The following VPS13B variants were observed in gnomAD, a reference collection of about 807,000 sequenced individuals.
VPS13B encodes the protein vacuolar protein sorting 13 homolog B, also known as intermembrane lipid transfer protein VPS13B.
In VPS13B, 285 loss-of-function variants were observed where a neutral mutation model predicts 426.4. That is an observed-to-expected ratio of 0.67 (90% confidence interval 0.61 to 0.74). VPS13B has a LOEUF of 0.74. Among genes scored for constraint, VPS13B ranks in the 30% least tolerant of loss-of-function variants. The pLI is 0.00. For synonymous variants in VPS13B, 1,676 were observed against 1,676.4 expected (o/e 1.00, Z 0.01); for missense variants, 4,537 against 4,782.6 (o/e 0.95, Z 1.51).
At chr8:99,440,984 A>G (rs1817651593) in intron 22 of VPS13B, among the ~76,000 whole-genome samples, 1 of 152,112 alleles carries the variant, frequency 6.6e-6, no homozygotes, top group Non-Finnish European at 1.5e-5. Flanking sequence ...GAATTATGTT[A>G]AATATTTTAA....
intron 34 of VPS13B, among the ~76,000 whole-genome samples, chr8:99,660,456 C>A (rs1830179050): frequency 6.6e-6 from 1 of 152,070 alleles, no homozygotes; most frequent in Non-Finnish European, 1.5e-5. Flanking sequence ...ATGGCAAGAA[C>A]ATCCCTATAA....
chr8:99,478,447 G>GTTTTTTTTTTGTTTT (rs1819824252), intron 24 of VPS13B, among the ~76,000 whole-genome samples: 3 of 85,776 alleles, frequency 3.5e-5, no homozygotes, highest in Admixed American at 2.9e-4. Flanking sequence ...TTTTTGTTTT[G>GTTTTTTTTTTGTTTT]TTTTTTTTTT....
intron 21 of VPS13B, among the ~76,000 whole-genome samples, chr8:99,418,524 C>T (rs367877731): frequency 0.014 from 1,635 of 117,142 alleles, 52 homozygotes; most frequent in African/African-American, 0.052. Flanking sequence ...TCCTTTCTTT[C>T]TTTCTCTTTC....
intron 17 of VPS13B, among the ~76,000 whole-genome samples, chr8:99,249,850 A>G (rs890909155): frequency 6.6e-6 from 1 of 152,074 alleles, no homozygotes. Flanking sequence ...CCGAGGCTGC[A>G]GTGAGCTATT....
chr8:99,532,688 T>C (rs545127910), intron 30 of VPS13B, among the ~76,000 whole-genome samples: 1 of 151,918 alleles, frequency 6.6e-6, no homozygotes, highest in Admixed American at 6.6e-5. Context: ...AAAATATGCT[T>C]TATTTTTAAC....
chr8:99,680,214 G>A (rs1831103739), intron 35 of VPS13B, among the ~76,000 whole-genome samples: 1 of 152,140 alleles, frequency 6.6e-6, no homozygotes, highest in African/African-American at 2.4e-5. Context: ...CATCATAAAT[G>A]TAAGTAATAT....
At chr8:99,832,681 C>T (rs776871956) in intron 52 of VPS13B, 29 bp downstream of exon 52, 1 of 1,610,054 alleles carries the variant, frequency 6.2e-7, no homozygotes, top group South Asian at 1.1e-5. Flanking sequence ...AATGTCTGTT[C>T]TTCTTTGCTT....
At chr8:99,028,534 A>G (rs1326119498) in intron 2 of VPS13B, among the ~76,000 whole-genome samples, 1 of 20,036 alleles carries the variant, frequency 5.0e-5, no homozygotes, top group African/African-American at 1.8e-4. Context: ...CCCCCCCCCC[A>G]CCTCCCTCCC....
In VPS13B at chr8:99,115,752, C is replaced by T. The variant is rs571013964; in HGVS notation, c.815C>T (p.Pro272Leu). ...CTTTCTATCACAGATCAACAACTGC[C>T]TATGTTTATTCGTATAATGCAACTT... The part of the protein sequence containing the change: ...LKLSITDQQL[P>L]MFIRIMQLGI... The change falls in exon 7 of 62, where the codon CCT becomes CTT. Residue 272 changes from proline to leucine, a missense_variant. This residue lies in a region of VPS13B where 4,311 missense variants were observed against 4,474.3 expected (regional missense o/e 0.96). Transcript: ENST00000357162. 1 of 1,613,218 alleles carries T rather than the reference C, an allele frequency of 6.2e-7. No individual in the cohort carries two copies. Among genetic ancestry groups the T allele is most frequent in the South Asian group, 1.1e-5 (1 of 90,890 alleles).
intron 30 of VPS13B, among the ~76,000 whole-genome samples, chr8:99,544,723 G>A (rs888521863): frequency 2.7e-5 from 4 of 148,506 alleles, no homozygotes; most frequent in Non-Finnish European, 6.0e-5. Flanking sequence ...ACCTTTACAA[G>A]CATCCTTATC....
chr8:99,056,434 G>T (rs922730029), intron 3 of VPS13B, among the ~76,000 whole-genome samples: 4 of 152,056 alleles, frequency 2.6e-5, no homozygotes, highest in Non-Finnish European at 5.9e-5. Context: ...TGGATTCTGT[G>T]GGATTTTCTA....
chr8:99,438,533 G>A (rs1817519117), intron 22 of VPS13B, among the ~76,000 whole-genome samples: 1 of 152,038 alleles, frequency 6.6e-6, no homozygotes, highest in Non-Finnish European at 1.5e-5. Context: ...GAGGAAGTCT[G>A]GAATTCAAAT....
chr8:99,461,214 T>C (rs1818813958), intron 23 of VPS13B, among the ~76,000 whole-genome samples: 1 of 152,146 alleles, frequency 6.6e-6, no homozygotes, highest in Admixed American at 6.6e-5. Context: ...TCTCCTTAGA[T>C]TGGCCCCATT....
chr8:99,309,375 G>A (rs1820824738), intron 19 of VPS13B, among the ~76,000 whole-genome samples: 1 of 152,142 alleles, frequency 6.6e-6, no homozygotes, highest in Admixed American at 6.5e-5. Flanking sequence ...GTAAGGAAGG[G>A]ATCCAGTTTC....
At chr8:99,228,043 T>C (rs1183598051) in intron 17 of VPS13B, among the ~76,000 whole-genome samples, 2 of 152,216 alleles carry the variant, frequency 1.3e-5, no homozygotes, top group African/African-American at 4.8e-5. Context: ...GGCTTAGCCT[T>C]CCTTTCAAAT....
At chr8:99,464,447 C>T (rs964156330) in intron 23 of VPS13B, among the ~76,000 whole-genome samples, 1 of 151,972 alleles carries the variant, frequency 6.6e-6, no homozygotes, top group Non-Finnish European at 1.5e-5. Context: ...TGATTCCTAC[C>T]CAAAAAGATT....
In VPS13B at chr8:99,592,712, A is replaced by T. The variant is rs564547110; in HGVS notation, c.5220+15079A>T. On this transcript the variant is annotated intron_variant, in intron 33 of 61. Transcript: ENST00000357162. Reference sequence around the variant, plus strand: ...AACAGCATGGTACTGATACAAAAACAGATACATAGACCAATGAAACAGAAT... The same window carrying T: ...AACAGCATGGTACTGATACAAAAACTGATACATAGACCAATGAAACAGAAT... Among the ~76,000 whole-genome samples the T allele has an allele frequency of 2.0e-4, 31 of 152,238 alleles. No homozygotes were observed. In the East Asian group the frequency reaches 5.4e-3, roughly 27 times the overall value.
intron 56 of VPS13B, among the ~76,000 whole-genome samples, chr8:99,855,526 G>A (rs370113952): frequency 6.6e-6 from 1 of 152,140 alleles, no homozygotes; most frequent in Non-Finnish European, 1.5e-5. Context: ...GCAAAGAACA[G>A]CATCCAGAGT....
In VPS13B at chr8:99,875,673, T is replaced by C; in HGVS notation, c.*7T>C. The C allele has an allele frequency of 1.9e-6, 3 of 1,614,038 alleles. No homozygotes were observed. The highest frequency in any genetic ancestry group is 1.7e-6 in the Non-Finnish European group (2 of 1,180,012). On this transcript the variant is annotated 3_prime_UTR_variant, in exon 62 of 62. Coordinates refer to ENST00000357162, the MANE Select transcript of VPS13B (RefSeq NM_152564.5). ...GAGGAAAGGGTTTCCTTGAGTCCCCTCTGAGGTGTTTATTCCTGCTTGTGT... is the reference window on the plus strand; with the variant it reads ...GAGGAAAGGGTTTCCTTGAGTCCCCCCTGAGGTGTTTATTCCTGCTTGTGT...
Sources: gnomAD v4.1 joint callset for allele counts (sites outside exome capture counted in the v4.1 genomes callset) on GRCh38, gnomAD v4.1.1 for gene constraint, gnomAD v4.1.1 regional missense constraint, MANE v1.5 for transcripts, NCBI Gene and HGNC (gene_info 2026-07-23, HGNC 2026-07-21) for gene names.